DSE: variants seen among roughly 807,000 people sequenced by gnomAD.
DSE encodes the protein dermatan-sulfate epimerase.
Under a neutral mutation model 84.4 loss-of-function variants are expected in DSE, and 36 were observed. The observed-to-expected ratio is 0.43, with a 90% confidence interval of 0.33 to 0.56. The LOEUF is 0.56. DSE is among the 20% of genes least tolerant of loss of function. The probability of loss-of-function intolerance (pLI) is 0.06; values close to 1 mark genes in which losing one functional copy is unlikely to be tolerated. For synonymous variants in DSE, 410 were observed against 430.1 expected (o/e 0.95, Z 0.58); for missense variants, 862 against 1,169.6 (o/e 0.74, Z 3.84).
At chr6:116,414,753 AC>A in intron 2 of DSE, among the ~76,000 whole-genome samples, 1 of 152,304 alleles carries the variant, frequency 6.6e-6, no homozygotes, top group East Asian at 1.9e-4. Flanking sequence ...TGACAACTGA[AC>A]TATATTGTAT....
At chr6:116,285,324 A>C (rs1183739958) in intron 2 of DSE, among the ~76,000 whole-genome samples, 1 of 152,218 alleles carries the variant, frequency 6.6e-6, no homozygotes, top group East Asian at 1.9e-4. Context: ...TCTTCTTTTG[A>C]GAAGTGACTG....
At chr6:116,322,249 C>T (rs768929375) in intron 2 of DSE, among the ~76,000 whole-genome samples, 1 of 152,090 alleles carries the variant, frequency 6.6e-6, no homozygotes, top group Non-Finnish European at 1.5e-5. Context: ...AGGTCGGGGT[C>T]GATCTTTAAC....
chr6:116,339,097 G>T (rs1481987684), intron 2 of DSE, among the ~76,000 whole-genome samples: 1 of 152,136 alleles, frequency 6.6e-6, no homozygotes, highest in Non-Finnish European at 1.5e-5. Flanking sequence ...GTAACTGGCT[G>T]AAAAAGTGCA....
chr6:116,337,697 T>A (rs1438003245), intron 2 of DSE, among the ~76,000 whole-genome samples: 2 of 152,194 alleles, frequency 1.3e-5, no homozygotes, highest in Non-Finnish European at 2.9e-5. Context: ...AACATTGATA[T>A]TACTGATGAT....
intron 2 of DSE, chr6:116,423,075 C>G (rs1395130218): frequency 6.6e-6 from 1 of 152,152 alleles, no homozygotes; most frequent in Non-Finnish European, 1.5e-5. Context: ...GTAGGTTGCC[C>G]TTTACTTTAC....
At chr6:116,284,582 A>G (rs578045546) in intron 2 of DSE, among the ~76,000 whole-genome samples, 7 of 151,764 alleles carry the variant, frequency 4.6e-5, no homozygotes, top group Admixed American at 6.6e-5. Flanking sequence ...ACATATGTAT[A>G]CTTGTGCCAT....
At chr6:116,339,208 A>G (rs1266743729) in intron 2 of DSE, among the ~76,000 whole-genome samples, 1 of 152,108 alleles carries the variant, frequency 6.6e-6, no homozygotes, top group Non-Finnish European at 1.5e-5. Context: ...TGGCTACTCT[A>G]TGCTTCCAAA....
chr6:116,315,976 C>A (rs900929128), intron 2 of DSE, among the ~76,000 whole-genome samples: 3 of 152,062 alleles, frequency 2.0e-5, no homozygotes, highest in Admixed American at 2.0e-4. Flanking sequence ...GGTGACAGAA[C>A]AAGATTCTGT....
At chr6:116,296,264 A>G (rs1274249024) in intron 2 of DSE, among the ~76,000 whole-genome samples, 1 of 152,142 alleles carries the variant, frequency 6.6e-6, no homozygotes. Flanking sequence ...TATGTAAACA[A>G]TGTTATACTG....
intron 2 of DSE, among the ~76,000 whole-genome samples, chr6:116,343,094 G>T (rs146002348): frequency 2.0e-5 from 3 of 152,160 alleles, no homozygotes; most frequent in African/African-American, 4.8e-5. Flanking sequence ...GTGAGGCTGC[G>T]GGAGGGGCGT....
At chr6:116,261,717 A>G (rs1772422191) in intron 2 of DSE, among the ~76,000 whole-genome samples, 1 of 152,140 alleles carries the variant, frequency 6.6e-6, no homozygotes, top group South Asian at 2.1e-4. Flanking sequence ...CCTATTCATT[A>G]TGATGTTGGC....
intron 2 of DSE, among the ~76,000 whole-genome samples, chr6:116,301,234 T>C (rs1775021574): frequency 6.6e-6 from 1 of 152,088 alleles, no homozygotes; most frequent in Non-Finnish European, 1.5e-5. Flanking sequence ...CATGCAAGTG[T>C]ACAACCTCCC....
Position 116,436,631 on chromosome 6 carries a change from T to C in DSE, c.2163T>C (p.Phe721=). The part of the protein sequence containing the change: ...QVIADRHKIL[F]DRNSAIKSSI... ...TTGCTGATCGTCACAAAATTCTGTT[T>C]GACCGGAATTCAGCCATCAAGAGCA... is the stretch of plus-strand genomic sequence containing the variant. The change falls in exon 6 of 6, where the codon TTT becomes TTC. Residue 721 remains phenylalanine, a synonymous_variant. Transcript: ENST00000644252. 1 of 1,614,172 alleles carries C rather than the reference T, an allele frequency of 6.2e-7. No homozygotes were observed. The highest frequency in any genetic ancestry group is 1.3e-5 in the African/African-American group (1 of 75,030).
At chr6:116,260,842 G>A (rs56249137) in intron 2 of DSE, among the ~76,000 whole-genome samples, 3,420 of 152,136 alleles carry the variant, frequency 0.022, 134 homozygotes, top group African/African-American at 0.078. Context: ...ATTGGTCTAC[G>A]TGTCTGTATT....
chr6:116,399,936 C>T (rs1781492618), intron 2 of DSE: 2 of 398,882 alleles, frequency 5.0e-6, no homozygotes, highest in South Asian at 4.0e-5. Context: ...AGAGTATCAT[C>T]GTGATTGCTG....
intron 2 of DSE, among the ~76,000 whole-genome samples, chr6:116,348,369 G>A (rs1467804802): frequency 6.6e-6 from 1 of 151,980 alleles, no homozygotes; most frequent in African/African-American, 2.4e-5. Context: ...GGAGCTTGAA[G>A]TGAGCCGAGA....
At chr6:116,342,663 C>T (rs1777681827) in intron 2 of DSE, among the ~76,000 whole-genome samples, 1 of 152,174 alleles carries the variant, frequency 6.6e-6, no homozygotes, top group African/African-American at 2.4e-5. Flanking sequence ...GATATTTCTG[C>T]TCAGTTAAAA....
At chr6:116,370,355 G>A (rs1562260163), upstream of DSE, 1 of 605,232 alleles carries the variant, frequency 1.7e-6, no homozygotes. Flanking sequence ...GTAAAAAAGA[G>A]AACTGCTTCT....
chr6:116,371,313 G>T (rs1189743246), intron 1 of DSE, among the ~76,000 whole-genome samples, 192 bp downstream of exon 1: 1 of 152,182 alleles, frequency 6.6e-6, no homozygotes, highest in Non-Finnish European at 1.5e-5. Flanking sequence ...AGCGCCTGAC[G>T]CGTGAAGCCT....
Sources: allele counts gnomAD v4.1 joint callset (sites outside exome capture counted in the v4.1 genomes callset), GRCh38; gene constraint gnomAD v4.1.1; transcripts MANE v1.5; gene names NCBI Gene and HGNC (gene_info 2026-07-23, HGNC 2026-07-21).